Variants in ABCA4 observed in about 807,000 individuals in gnomAD.
The protein encoded by ABCA4 is retinal-specific phospholipid-transporting ATPase ABCA4.
In ABCA4, 196 loss-of-function variants were observed where a neutral mutation model predicts 263.7. The ratio of observed to expected loss-of-function variants is 0.74; its 90% CI spans 0.66 to 0.84. The LOEUF is 0.84. ABCA4 is among the 40% of genes least tolerant of loss of function. The pLI, the probability that ABCA4 is intolerant of heterozygous loss-of-function variation, is 0.00. For missense variants in ABCA4, 2,792 were observed against 2,855.1 expected, an observed-to-expected ratio of 0.98 and a Z score of 0.50; for synonymous variants, 1,133 against 1,094.2, an observed-to-expected ratio of 1.04 and a Z score of -0.70.
In ABCA4 at chr1:94,068,524, T is replaced by C. The variant is rs111307473; in HGVS notation, c.1555-5207A>G. On this transcript the variant is annotated intron_variant, in intron 11 of 49. Coordinates refer to ENST00000370225, the MANE Select transcript of ABCA4 (RefSeq NM_000350.3). ...ATGGACATGTATATTAGTGCACGTATGTACATAAGTACGTTTGGGAGACAG... is the reference window on the plus strand; with the variant it reads ...ATGGACATGTATATTAGTGCACGTACGTACATAAGTACGTTTGGGAGACAG... 7.0e-4 allele frequency among the ~76,000 whole-genome samples: 107 copies of C among 152,366 alleles called. 1 individual carries two copies. Among genetic ancestry groups the C allele is most frequent in the African/African-American group, 2.1e-3 (89 of 41,584 alleles).
intron 19 of ABCA4, chr1:94,045,629 C>A: frequency 2.4e-6 from 1 of 409,708 alleles, no homozygotes; most frequent in Admixed American, 2.5e-5. Flanking sequence ...CAGCTCTGTC[C>A]CTGAGTTCTG....
chr1:94,070,704 G>A (rs956119192), intron 11 of ABCA4, among the ~76,000 whole-genome samples: 1 of 152,192 alleles, frequency 6.6e-6, no homozygotes, highest in Admixed American at 6.5e-5. Context: ...CCGAAACATA[G>A]GACCTGAGTC....
chr1:94,065,688 G>A (rs188588394), intron 11 of ABCA4, among the ~76,000 whole-genome samples: 39 of 152,272 alleles, frequency 2.6e-4, no homozygotes, highest in African/African-American at 8.4e-4. Flanking sequence ...AAAACTATTA[G>A]TGTTCCAGCT....
rs557946683 is a variant in ABCA4 at position 94,090,212 on chromosome 1, A to G, written c.769-6771T>C. ...AGTTTTGTTTTCTCTCATCAACGGT[A>G]TGATAAAACAGTGTTGAATGAAACT... On this transcript the variant is annotated intron_variant, in intron 6 of 49. Transcript: ENST00000370225. 5.2e-5 allele frequency among the ~76,000 whole-genome samples: 8 copies of G among 152,386 alleles called. No individual in the cohort carries two copies. The South Asian group carries it at 1.7e-3, about 32-fold the overall frequency.
intron 21 of ABCA4, among the ~76,000 whole-genome samples, chr1:94,043,130 T>C (rs1333839986): frequency 6.6e-6 from 1 of 152,186 alleles, no homozygotes; most frequent in African/African-American, 2.4e-5. Context: ...CACATCAATC[T>C]CAGGACAAAT....
At chr1:94,096,609 C>T (rs986049418) in intron 6 of ABCA4, among the ~76,000 whole-genome samples, 3 of 152,116 alleles carry the variant, frequency 2.0e-5, no homozygotes, top group Admixed American at 6.5e-5. Flanking sequence ...CATGTGAAGA[C>T]GTAAGGAAAG....
At position 94,031,019 on chromosome 1, in the gene ABCA4, A is replaced by G. The variant is rs748170407; in HGVS notation, c.4230T>C (p.Tyr1410=). The part of the protein sequence containing the change: ...YPALTLHPWI[Y]GQQYTFFSMD... The stretch of plus-strand genomic sequence containing the variant: ...ACCTGAAGAAGGTGTACTGCTGCCC[A>G]TATATCCAGGGGTGAAGGGTCAAAG... Residue 1410 remains tyrosine, a synonymous_variant, in exon 28 of 50, where the codon TAT becomes TAC. Coordinates refer to ENST00000370225, the MANE Select transcript of ABCA4 (RefSeq NM_000350.3). 10 of 1,613,998 alleles carry G rather than the reference A, an allele frequency of 6.2e-6. No individual in the cohort carries two copies. In the Admixed American group the frequency reaches 6.7e-5, roughly 11 times the overall value.
intron 44 of ABCA4, among the ~76,000 whole-genome samples, chr1:94,004,790 C>T (rs573848524): frequency 1.3e-5 from 2 of 152,130 alleles, no homozygotes; most frequent in Non-Finnish European, 2.9e-5. Flanking sequence ...CCATTTTCTT[C>T]TTGTTGATCA....
rs1659453002 is a variant in ABCA4, at chr1:94,008,299, T to C, written c.5836-2A>G. ...TGGGCTGGAGGTGCCTGGATAAATC[T>C]GCAAGATACGAAGAAACCGGACTGA... On this transcript the variant is annotated splice_acceptor_variant, in intron 41 of 49. Coordinates refer to ENST00000370225, the MANE Select transcript of ABCA4 (RefSeq NM_000350.3). LOFTEE classifies it high-confidence loss of function. 6.2e-7 allele frequency: 1 copy of C among 1,613,958 alleles called. No homozygotes were observed. The highest frequency in any genetic ancestry group is 1.1e-5 in the South Asian group (1 of 91,078).
Position 94,103,161 on chromosome 1 carries a change from A to C in ABCA4, c.443-19T>G. On this transcript the variant is annotated intron_variant, in intron 4 of 49. Coordinates refer to ENST00000370225, the MANE Select transcript of ABCA4 (RefSeq NM_000350.3). ...CCTCTTCCTACATATGAATAAGAGA[A>C]AGAACAGGGTGTTGAAGGGGAAATG... 1 of 1,613,538 alleles carries C rather than the reference A, an allele frequency of 6.2e-7. No individual in the cohort carries two copies. Among genetic ancestry groups the C allele is most frequent in the Admixed American group, 1.7e-5 (1 of 60,012 alleles).
intron 38 of ABCA4, 30 bp downstream of exon 38, chr1:94,014,513 A>G: frequency 2.5e-6 from 4 of 1,613,252 alleles, no homozygotes; most frequent in Non-Finnish European, 3.4e-6. Flanking sequence ...CCTACTAATC[A>G]AACAAAAAAG....
In ABCA4 at chr1:94,043,462, C is replaced by T. The variant is rs61749459; in HGVS notation, c.3064G>A (p.Glu1022Lys). ...NILFHHLTVA[E>K]HMLFYAQLKG... ...AGCTGGGCATAGAACAGCATGTGCT[C>T]AGCCACCGTGAGGCTAGGAGGATGG... Residue 1022 changes from glutamate (E) to lysine (K), a missense_variant, in exon 21 of 50, where the codon GAG (glutamate) becomes AAG (lysine). Transcript: ENST00000370225. 6 of 1,614,176 alleles carry T rather than the reference C, an allele frequency of 3.7e-6. No individual in the cohort carries two copies. In the South Asian group the frequency reaches 5.5e-5, roughly 15 times the overall value.
chr1:94,006,157 T>C (rs929023739), intron 43 of ABCA4, among the ~76,000 whole-genome samples: 3 of 152,156 alleles, frequency 2.0e-5, no homozygotes, highest in Non-Finnish European at 4.4e-5. Context: ...AAACTATACA[T>C]AGACATTTAG....
intron 6 of ABCA4, among the ~76,000 whole-genome samples, chr1:94,086,159 A>G (rs929290012): frequency 4.6e-5 from 7 of 152,330 alleles, no homozygotes; most frequent in African/African-American, 1.4e-4. Flanking sequence ...AAATGATCTT[A>G]TCAGAATAAC....
At chr1:94,111,347 T>C (rs1662596024) in intron 3 of ABCA4, 91 bp downstream of exon 3, 1 of 1,519,728 alleles carries the variant, frequency 6.6e-7, no homozygotes, top group African/African-American at 1.4e-5. Context: ...GAACACTCAG[T>C]GCTCCATGCT....
intron 11 of ABCA4, among the ~76,000 whole-genome samples, chr1:94,075,515 G>C (rs1661516750): frequency 6.6e-6 from 1 of 152,168 alleles, no homozygotes; most frequent in Non-Finnish European, 1.5e-5. Context: ...AGTTTGGAGA[G>C]CGAGGGTCAC....
At chr1:94,090,067 C>T (rs1661930762) in intron 6 of ABCA4, among the ~76,000 whole-genome samples, 1 of 152,070 alleles carries the variant, frequency 6.6e-6, no homozygotes, top group African/African-American at 2.4e-5. Flanking sequence ...GCAGACACAC[C>T]GTTTCCACTA....
chr1:94,041,513 T>TAA, intron 22 of ABCA4, 111 bp from the exon 23 acceptor site: 30 of 835,522 alleles, frequency 3.6e-5, no homozygotes, highest in Non-Finnish European at 3.9e-5. Flanking sequence ...AGGAGTTAAC[T>TAA]AAAAAAAAAA....
intron 17 of ABCA4, among the ~76,000 whole-genome samples, chr1:94,049,485 G>C (rs1317265658): frequency 6.6e-6 from 1 of 152,092 alleles, no homozygotes; most frequent in Non-Finnish European, 1.5e-5. Context: ...TTAGCCGGGT[G>C]GGGTGGCGCT....
Sources: gnomAD v4.1 joint callset for allele counts (sites outside exome capture counted in the v4.1 genomes callset) on GRCh38, gnomAD v4.1.1 for gene constraint, MANE v1.5 for transcripts, NCBI Gene and HGNC (gene_info 2026-07-23, HGNC 2026-07-21) for gene names.